The following COG5 variants were observed in gnomAD, a reference collection of about 807,000 sequenced individuals.
COG5 encodes conserved oligomeric Golgi complex subunit 5.
COG5 carries 86 observed loss-of-function variants against 110.4 expected under a neutral mutation model. The ratio of observed to expected loss-of-function variants is 0.78; its 90% confidence interval spans 0.65 to 0.93. The LOEUF (loss-of-function observed/expected upper bound fraction) is 0.93, where lower values mean the gene tolerates loss of function less well. COG5 is among the 40% of genes least tolerant of loss of function. The probability of loss-of-function intolerance (pLI) is 0.00; values close to 1 mark genes in which losing one functional copy is unlikely to be tolerated. For missense variants in COG5, 1,077 were observed against 987.0 expected, an observed-to-expected ratio of 1.09 and a Z score of -1.22; for synonymous variants, 360 against 334.6, an observed-to-expected ratio of 1.08 and a Z score of -0.83.
intron 6 of COG5, among the ~76,000 whole-genome samples, chr7:107,430,996 CA>C (rs746919641): frequency 6.6e-6 from 1 of 151,620 alleles, no homozygotes; most frequent in East Asian, 1.9e-4. Flanking sequence ...CTCCAAAAAC[CA>C]AAAAAACAAA....
At chr7:107,289,946 G>C (rs1232986692) in intron 12 of COG5, among the ~76,000 whole-genome samples, 1 of 152,090 alleles carries the variant, frequency 6.6e-6, no homozygotes, top group Non-Finnish European at 1.5e-5. Context: ...CCTTTCCTTT[G>C]TTCCCAAACA....
intron 6 of COG5, among the ~76,000 whole-genome samples, chr7:107,414,416 T>C (rs975378171): frequency 3.9e-5 from 6 of 152,134 alleles, no homozygotes; most frequent in African/African-American, 1.4e-4. Flanking sequence ...ATGAGACTAG[T>C]GCTTTTAGTG....
chr7:107,446,198 C>G (rs1584832995), intron 6 of COG5, among the ~76,000 whole-genome samples: 1 of 152,282 alleles, frequency 6.6e-6, no homozygotes, highest in East Asian at 1.9e-4. Context: ...ATCTTCAAAT[C>G]GCATATTCAA....
At position 107,372,637 on chromosome 7, in the gene COG5, C is replaced by T. The variant is rs1194450380; in HGVS notation, c.793G>A (p.Asp265Asn). Reference protein sequence around the residue: ...TLEENINSALDIKVLTQPSQS... With the variant: ...TLEENINSALNIKVLTQPSQS... ...GAAGGCTGAGTCAAAACTTTTATGTCTAATGCACTGTTGATATTTTCTTCT... is the reference window on the plus strand; with the variant it reads ...GAAGGCTGAGTCAAAACTTTTATGTTTAATGCACTGTTGATATTTTCTTCT... Residue 265 changes from aspartate (D) to asparagine (N), a missense_variant, in exon 8 of 22, where the codon GAC becomes AAC. By Grantham distance (23) the Asp-to-Asn change is conservative (BLOSUM62 1). Coordinates refer to ENST00000297135, the MANE Select transcript of COG5 (RefSeq NM_006348.5). 6.2e-7 allele frequency: 1 copy of T among 1,613,660 alleles called. No individual in the cohort carries two copies. The highest frequency in any genetic ancestry group is 8.5e-7 in the Non-Finnish European group (1 of 1,179,786).
intron 17 of COG5, among the ~76,000 whole-genome samples, chr7:107,239,016 T>C (rs1027794122): frequency 2.0e-5 from 3 of 152,200 alleles, no homozygotes; most frequent in Admixed American, 6.5e-5. Flanking sequence ...TTTTGCTTTG[T>C]AGTCTGAGCT....
intron 6 of COG5, among the ~76,000 whole-genome samples, chr7:107,440,184 T>C (rs1264293734): frequency 1.3e-5 from 2 of 152,200 alleles, no homozygotes; most frequent in African/African-American, 4.8e-5. Context: ...TTAATCTTCT[T>C]GAGAGCAGAA....
chr7:107,456,606 T>A (rs1795682365), intron 6 of COG5, among the ~76,000 whole-genome samples: 1 of 152,100 alleles, frequency 6.6e-6, no homozygotes, highest in African/African-American at 2.4e-5. Context: ...AATTCTCAGG[T>A]CAGAATAACA....
intron 6 of COG5, among the ~76,000 whole-genome samples, chr7:107,524,006 A>G (rs1269861964): frequency 6.6e-6 from 1 of 152,236 alleles, no homozygotes; most frequent in African/African-American, 2.4e-5. Context: ...AGCTTAATTT[A>G]TAATATTAAA....
intron 6 of COG5, among the ~76,000 whole-genome samples, chr7:107,446,927 C>A (rs1406848496): frequency 6.6e-6 from 1 of 152,228 alleles, no homozygotes. Flanking sequence ...AATTTACTAT[C>A]TCAGTTCTGT....
intron 1 of COG5, among the ~76,000 whole-genome samples, chr7:107,560,406 G>A (rs1803682496): frequency 6.6e-6 from 1 of 152,202 alleles, no homozygotes; most frequent in Non-Finnish European, 1.5e-5. Context: ...ACACTGCACA[G>A]GATGTAGGAC....
chr7:107,375,750 A>G (rs1814586417), intron 7 of COG5, among the ~76,000 whole-genome samples: 1 of 152,086 alleles, frequency 6.6e-6, no homozygotes, highest in South Asian at 2.1e-4. Flanking sequence ...TTTGATAATT[A>G]TATGTACTGC....
At chr7:107,426,502 T>C (rs1563027973) in intron 6 of COG5, among the ~76,000 whole-genome samples, 1 of 152,256 alleles carries the variant, frequency 6.6e-6, no homozygotes, top group South Asian at 2.1e-4. Context: ...GGTGCCAACA[T>C]GGTCAGCTTC....
At chr7:107,399,882 A>G (rs1438785346) in intron 7 of COG5, among the ~76,000 whole-genome samples, 1 of 152,204 alleles carries the variant, frequency 6.6e-6, no homozygotes, top group African/African-American at 2.4e-5. Flanking sequence ...ACACCCACTA[A>G]AATGGCTAAA....
At chr7:107,446,994 G>GAA (rs1334322401) in intron 6 of COG5, among the ~76,000 whole-genome samples, 3 of 152,222 alleles carry the variant, frequency 2.0e-5, no homozygotes, top group African/African-American at 7.2e-5. Context: ...TTGCAAACCT[G>GAA]AAATCAAGGT....
At chr7:107,344,919 G>C (rs1448858187) in intron 10 of COG5, among the ~76,000 whole-genome samples, 2 of 152,098 alleles carry the variant, frequency 1.3e-5, no homozygotes, top group Non-Finnish European at 2.9e-5. Context: ...TGGCTAATTA[G>C]TATAAGAAAC....
At chr7:107,303,618 A>C (rs1807465767) in intron 11 of COG5, among the ~76,000 whole-genome samples, 1 of 151,804 alleles carries the variant, frequency 6.6e-6, no homozygotes, top group Non-Finnish European at 1.5e-5. Context: ...ATTTTTGTAG[A>C]GATGAGGTCT....
chr7:107,388,008 TAATC>T (rs1790333036), intron 7 of COG5, among the ~76,000 whole-genome samples: 1 of 152,230 alleles, frequency 6.6e-6, no homozygotes, highest in Admixed American at 6.5e-5. Flanking sequence ...CTTATGGTAA[TAATC>T]AAGCAGACCT....
At chr7:107,441,810 G>A (rs1274318227) in intron 6 of COG5, among the ~76,000 whole-genome samples, 1 of 152,150 alleles carries the variant, frequency 6.6e-6, no homozygotes, top group Non-Finnish European at 1.5e-5. Context: ...ACTGCTCAAA[G>A]TTATTCACTT....
At chr7:107,265,402 C>T (rs1460310316) in intron 14 of COG5, among the ~76,000 whole-genome samples, 1 of 152,036 alleles carries the variant, frequency 6.6e-6, no homozygotes, top group Non-Finnish European at 1.5e-5. Flanking sequence ...CTCAGCTTCC[C>T]GAGTAGCTGG....
Sources: gnomAD v4.1 joint callset for allele counts (sites outside exome capture counted in the v4.1 genomes callset) on GRCh38, gnomAD v4.1.1 for gene constraint, MANE v1.5 for transcripts, NCBI Gene and HGNC (gene_info 2026-07-23, HGNC 2026-07-21) for gene names.